The following SHCBP1L variants were observed in gnomAD, a reference collection of about 807,000 sequenced individuals.
SHCBP1L encodes testicular spindle-associated protein SHCBP1L.
SHCBP1L carries 67 observed loss-of-function variants against 62.5 expected under a neutral mutation model. The observed-to-expected ratio is 1.07, with a 90% CI of 0.88 to 1.31. The LOEUF (loss-of-function observed/expected upper bound fraction) is 1.31, where lower values mean the gene tolerates loss of function less well. Among genes scored for constraint, SHCBP1L ranks in the 40% most tolerant of loss-of-function variants. The pLI is 0.00. For synonymous variants in SHCBP1L, 284 were observed against 289.4 expected, an observed-to-expected ratio of 0.98 and a Z score of 0.19; for missense variants, 823 against 809.8, an observed-to-expected ratio of 1.02 and a Z score of -0.20.
rs773892245 is a variant in SHCBP1L at position 182,900,153 on chromosome 1, T to C, written c.1792A>G (p.Met598Val). Residue 598 changes from methionine (M) to valine (V), a missense_variant, in exon 10 of 10, where the codon ATG (methionine) becomes GTG (valine). Transcript: ENST00000367547. ...TCTGCTACGATAAAAAACTGTTCCA[T>C]TGGTTGAAGAATGCTTACTCCATAG... ...KGYGVSILQP[M>V]EQFFIVAEEA... 8.5e-5 allele frequency: 137 copies of C among 1,612,392 alleles called. No individual in the cohort carries two copies. The South Asian group carries it at 1.3e-3, about 16-fold the overall frequency.
chr1:182,939,815 A>C (rs974888390), intron 3 of SHCBP1L, among the ~76,000 whole-genome samples: 1 of 152,192 alleles, frequency 6.6e-6, no homozygotes, highest in Non-Finnish European at 1.5e-5. Flanking sequence ...TTATTTGCTC[A>C]AAAAATAAAT....
Position 182,953,038 on chromosome 1 carries a change from C to T in SHCBP1L, c.96G>A (p.Gly32=). Reference sequence around the variant, plus strand: ...TCAGGGTGGTCGCGGCCGCCGTGTCCCCGGAGACAGCGGAGGCGGACTTCT... The same window carrying T: ...TCAGGGTGGTCGCGGCCGCCGTGTCTCCGGAGACAGCGGAGGCGGACTTCT... ...RGEKSASAVS[G]DTAAATTLKG... is the part of the protein sequence containing the mutation. Residue 32 remains glycine (G), a synonymous_variant, in exon 1 of 10, where the codon GGG becomes GGA. Coordinates refer to ENST00000367547, the MANE Select transcript of SHCBP1L (RefSeq NM_030933.4). 1 of 1,544,964 alleles carries T rather than the reference C, an allele frequency of 6.5e-7. No homozygotes were observed. Among genetic ancestry groups the T allele is most frequent in the Non-Finnish European group, 8.7e-7 (1 of 1,150,502 alleles).
At chr1:182,936,355 G>A (rs1651171978) in intron 5 of SHCBP1L, among the ~76,000 whole-genome samples, 1 of 151,538 alleles carries the variant, frequency 6.6e-6, no homozygotes, top group South Asian at 2.1e-4. Context: ...AGGCTGGTCT[G>A]GACTCCTGAC....
At chr1:182,924,046 C>A (rs975635171) in intron 6 of SHCBP1L, among the ~76,000 whole-genome samples, 1 of 152,086 alleles carries the variant, frequency 6.6e-6, no homozygotes, top group Admixed American at 6.5e-5. Flanking sequence ...TTTCAGGACA[C>A]AAAAATCAAT....
chr1:182,949,393 C>T (rs937086090), intron 2 of SHCBP1L, among the ~76,000 whole-genome samples: 2 of 151,930 alleles, frequency 1.3e-5, no homozygotes, highest in Admixed American at 6.6e-5. Context: ...GATGAGCAAA[C>T]CTCTACAAAA....
intron 6 of SHCBP1L, among the ~76,000 whole-genome samples, chr1:182,913,871 C>T (rs998535608): frequency 2.6e-5 from 4 of 152,144 alleles, no homozygotes; most frequent in Non-Finnish European, 5.9e-5. Context: ...ATACCAGCTA[C>T]TGGGGAGGCT....
intron 6 of SHCBP1L, among the ~76,000 whole-genome samples, chr1:182,907,020 A>G (rs551529400): frequency 6.6e-6 from 1 of 150,998 alleles, no homozygotes; most frequent in South Asian, 2.1e-4. Flanking sequence ...GTTTCTCTAT[A>G]TTGCCCAGGC....
At chr1:182,902,331 G>A (rs774835221) in intron 9 of SHCBP1L, among the ~76,000 whole-genome samples, 5 of 152,122 alleles carry the variant, frequency 3.3e-5, no homozygotes, top group African/African-American at 4.8e-5. Flanking sequence ...GATTACAGGT[G>A]TGAGCCACTG....
At position 182,945,301 on chromosome 1, in the gene SHCBP1L, C is replaced by T. The variant is rs1451787853; in HGVS notation, c.556-4758G>A. Among the ~76,000 whole-genome samples, 6 of 152,150 alleles carry T rather than the reference C, an allele frequency of 3.9e-5. No homozygotes were observed. The East Asian group carries it at 1.2e-3, about 29-fold the overall frequency. ...TCTACGTGGCTTTCATTAATTTAGC[C>T]CCAAATTCCTTAAGTTGTAAAAATC... On this transcript the variant is annotated intron_variant, in intron 2 of 9. Transcript: ENST00000367547.
chr1:182,911,570 C>T (rs906421340), intron 6 of SHCBP1L, among the ~76,000 whole-genome samples: 2 of 152,160 alleles, frequency 1.3e-5, no homozygotes, highest in African/African-American at 4.8e-5. Context: ...TTTAACTCTA[C>T]TGTTTTAAGT....
intron 8 of SHCBP1L, among the ~76,000 whole-genome samples, chr1:182,903,702 G>T (rs1649912750): frequency 6.6e-6 from 1 of 151,676 alleles, no homozygotes; most frequent in Non-Finnish European, 1.5e-5. Context: ...TTTCTGTGTT[G>T]CCCAGGCTGG....
In SHCBP1L at chr1:182,899,951, A is replaced by T; in HGVS notation, c.*32T>A. ...GAATCATGTATTAAACAAATTTGTG[A>T]AATATAAAACTTTAACATCAATTCA... is the stretch of plus-strand genomic sequence containing the variant. On this transcript the variant is annotated 3_prime_UTR_variant, in exon 10 of 10. Coordinates refer to ENST00000367547, the MANE Select transcript of SHCBP1L (RefSeq NM_030933.4). 2.0e-6 allele frequency: 3 copies of T among 1,528,934 alleles called. No individual in the cohort carries two copies. The highest frequency in any genetic ancestry group is 2.6e-6 in the Non-Finnish European group (3 of 1,139,612). 94.7% of individuals were successfully genotyped at this position (1,528,934 alleles called of 1,614,324 possible).
chr1:182,946,836 A>G (rs537087769), intron 2 of SHCBP1L, among the ~76,000 whole-genome samples: 1 of 152,300 alleles, frequency 6.6e-6, no homozygotes, highest in Non-Finnish European at 1.5e-5. Context: ...CTTCAAGCAC[A>G]ATAATTGTCC....
chr1:182,947,621 C>T (rs1028497260), intron 2 of SHCBP1L, among the ~76,000 whole-genome samples: 2 of 152,190 alleles, frequency 1.3e-5, no homozygotes, highest in Non-Finnish European at 2.9e-5. Context: ...CCTCTTCTTC[C>T]TCTTCCTCCT....
rs1651268264 is a variant in SHCBP1L, at chr1:182,939,089, T to C, written c.1076+87A>G. 21 of 1,041,470 alleles carry C rather than the reference T, an allele frequency of 2.0e-5. No homozygotes were observed. The South Asian group carries it at 3.4e-4, about 17-fold the overall frequency. 64.5% of individuals were successfully genotyped at this position (1,041,470 alleles called of 1,614,324 possible). A position where few individuals can be genotyped will look rare whatever the true frequency, so the allele number is the denominator to read the frequency against. ...CATCTAATTTTATACTTCACTTTAA[T>C]CAGAACATATACCACAAATTAAGTG... is the stretch of plus-strand genomic sequence containing the variant. On this transcript the variant is annotated intron_variant, in intron 5 of 9. Transcript: ENST00000367547.
intron 8 of SHCBP1L, among the ~76,000 whole-genome samples, chr1:182,903,942 TAA>T (rs1649920604): frequency 6.6e-6 from 1 of 152,220 alleles, no homozygotes; most frequent in African/African-American, 2.4e-5. Context: ...TTCCAGATTT[TAA>T]AAAGTCACCC....
rs779128228 is a variant in SHCBP1L at position 182,899,980 on chromosome 1, G to A, written c.*3C>T. On this transcript the variant is annotated 3_prime_UTR_variant, in exon 10 of 10. Transcript: ENST00000367547. ...ATAAAACTTTAACATCAATTCAGACGCTTTAACTTGTGACTATTCTGATAT... is the reference window on the plus strand; with the variant it reads ...ATAAAACTTTAACATCAATTCAGACACTTTAACTTGTGACTATTCTGATAT... 1.6e-5 allele frequency: 25 copies of A among 1,592,742 alleles called. No homozygotes were observed. The highest frequency in any genetic ancestry group is 4.5e-5 in the East Asian group (2 of 44,286).
intron 6 of SHCBP1L, among the ~76,000 whole-genome samples, chr1:182,909,770 G>C (rs1316908494): frequency 6.6e-6 from 1 of 152,192 alleles, no homozygotes; most frequent in East Asian, 1.9e-4. Context: ...GACAAATGTA[G>C]TTGGTAGTGT....
At chr1:182,924,092 T>C (rs1650599613) in intron 6 of SHCBP1L, among the ~76,000 whole-genome samples, 1 of 151,970 alleles carries the variant, frequency 6.6e-6, no homozygotes, top group Admixed American at 6.6e-5. Context: ...ACACCAACAA[T>C]GTCCAAGCTG....
Sources: gnomAD v4.1 joint callset for allele counts (sites outside exome capture counted in the v4.1 genomes callset) on GRCh38, gnomAD v4.1.1 for gene constraint, MANE v1.5 for transcripts, NCBI Gene and HGNC (gene_info 2026-07-23, HGNC 2026-07-21) for gene names.